ESS2: variants seen among roughly 807,000 people sequenced by gnomAD.
The protein encoded by ESS2 is ess-2 spliceosome associated protein, also known as splicing factor ESS-2 homolog.
Under a neutral mutation model 52.0 loss-of-function variants are expected in ESS2, and 31 were observed. The observed-to-expected ratio is 0.60, with a 90% confidence interval of 0.45 to 0.81. The LOEUF is 0.81. Among genes scored for constraint, ESS2 ranks in the 30% least tolerant of loss-of-function variants. The pLI, the probability that ESS2 is intolerant of heterozygous loss-of-function variation, is 0.00. For missense variants in ESS2, 602 were observed against 637.2 expected (o/e 0.94, Z 0.59); for synonymous variants, 285 against 259.2 (o/e 1.10, Z -0.95).
At position 19,131,447 on chromosome 22, in the gene ESS2, C is replaced by CAATCTTGGCAAGGGTTCCT; in HGVS notation, c.*2730_*2748dup. The CAATCTTGGCAAGGGTTCCT allele has an allele frequency of 6.2e-7, 1 of 1,613,918 alleles. No individual in the cohort carries two copies. The highest frequency in any genetic ancestry group is 8.5e-7 in the Non-Finnish European group (1 of 1,179,888). ...GGAAGAAGGGTTACATCGTAGGCAT[C>CAATCTTGGCAAGGGTTCCT]AATCTTGGCAAGGGTTCCTACGCAA... is the stretch of plus-strand genomic sequence containing the variant. On this transcript the variant is annotated 3_prime_UTR_variant, in exon 10 of 10. Coordinates refer to ENST00000252137, the MANE Select transcript of ESS2 (RefSeq NM_022719.3). This position sits in a 1 kb window ranked among gnomAD's most constrained non-coding sequence, Gnocchi z 5.7.
At position 19,139,495 on chromosome 22, in the gene ESS2, A is replaced by C. The variant is rs890300344; in HGVS notation, c.688+117T>G. 1.2e-4 allele frequency: 156 copies of C among 1,259,320 alleles called. No individual in the cohort carries two copies. In the African/African-American group the frequency reaches 2.1e-3, roughly 17 times the overall value. The allele number at this position is 1,259,320 out of a possible 1,614,324, so 78.0% of individuals were successfully genotyped here. ...CCTTAGACAGACCAGTACCCATCAGAAGCCCAAACTGCAAGGGGGCACGGC... is the reference window on the plus strand; with the variant it reads ...CCTTAGACAGACCAGTACCCATCAGCAGCCCAAACTGCAAGGGGGCACGGC... On this transcript the variant is annotated intron_variant, in intron 5 of 9. Transcript: ENST00000252137.
Position 19,134,288 on chromosome 22 carries a change from C to T in ESS2, c.1339G>A (p.Ala447Thr). 1.3e-6 allele frequency: 2 copies of T among 1,597,270 alleles called. No individual in the cohort carries two copies. Among genetic ancestry groups the T allele is most frequent in the Non-Finnish European group, 1.7e-6 (2 of 1,170,878 alleles). The change falls in exon 10 of 10, where the codon GCC becomes ACC. Residue 447 changes from alanine to threonine, a missense_variant. Coordinates refer to ENST00000252137, the MANE Select transcript of ESS2 (RefSeq NM_022719.3). Reference protein sequence around the residue: ...TPTSTPAPGSATRTPLTQDPA... With the variant: ...TPTSTPAPGSTTRTPLTQDPA... Reference sequence around the variant, plus strand: ...TCCTGTGTGAGAGGGGTGCGTGTGGCAGAGCCAGGCGCCGGTGTGCTTGTG... The same window carrying T: ...TCCTGTGTGAGAGGGGTGCGTGTGGTAGAGCCAGGCGCCGGTGTGCTTGTG...
rs2083503613 is a variant in ESS2, at chr22:19,131,313, C to A, written c.*2883G>T. On this transcript the variant is annotated 3_prime_UTR_variant, in exon 10 of 10. Transcript: ENST00000252137. This position sits in a 1 kb window ranked among gnomAD's most constrained non-coding sequence, Gnocchi z 5.7. ...CAGCCCAGGGCAGCCCAGCCAGACG[C>A]CTCCGGTAGTGTAAATGAGGACAAT... is the stretch of plus-strand genomic sequence containing the variant. 1 of 1,243,444 alleles carries A rather than the reference C, an allele frequency of 8.0e-7. No homozygotes were observed. The highest frequency in any genetic ancestry group is 1.1e-6 in the Non-Finnish European group (1 of 883,100). 77.0% of individuals were successfully genotyped at this position (1,243,444 alleles called of 1,614,324 possible).
intron 9 of ESS2, among the ~76,000 whole-genome samples, 173 bp downstream of exon 9, chr22:19,134,887 A>C (rs2083554997): frequency 6.6e-6 from 1 of 152,160 alleles, no homozygotes; most frequent in South Asian, 2.1e-4. Context: ...CATCCTGTCC[A>C]TGTGCGGCCA....
intron 9 of ESS2, among the ~76,000 whole-genome samples, chr22:19,134,808 C>T (rs1056256206): frequency 1.8e-4 from 28 of 152,126 alleles, no homozygotes; most frequent in Admixed American, 2.6e-4. Flanking sequence ...CAGGACCACA[C>T]GCCTAAAGAT....
intron 8 of ESS2, among the ~76,000 whole-genome samples, chr22:19,136,031 T>TAAAAAAAAAAAAAA (rs377121962): frequency 2.2e-5 from 2 of 92,540 alleles, no homozygotes; most frequent in African/African-American, 8.8e-5. Flanking sequence ...CCCTATCTGT[T>TAAAAAAAAAAAAAA]AAAAAAAAAA....
At chr22:19,144,072 T>C (rs188898190) in intron 1 of ESS2, 1 of 1,001,022 alleles carries the variant, frequency 1.0e-6, no homozygotes, top group East Asian at 1.1e-4. Flanking sequence ...CCAATCCCCG[T>C]TTCAGCTCCT....
At chr22:19,138,464 AAGAG>A in intron 6 of ESS2, 147 bp from the exon 7 acceptor site, 2 of 813,882 alleles carry the variant, frequency 2.5e-6, no homozygotes, top group Non-Finnish European at 2.1e-6. Context: ...TTCTTGGAGA[AAGAG>A]AGGGAGGGCC....
chr22:19,134,993 G>T, intron 9 of ESS2, 67 bp downstream of exon 9: 1 of 1,490,118 alleles, frequency 6.7e-7, no homozygotes. Flanking sequence ...CACGGTCAGG[G>T]CAGGGGCCGA....
chr22:19,135,005 C>G, intron 9 of ESS2, 55 bp downstream of exon 9: 1 of 1,547,306 alleles, frequency 6.5e-7, no homozygotes, highest in East Asian at 2.3e-5. Context: ...AGGGGCCGAA[C>G]AGGAGCAGGC....
At chr22:19,143,034 GTC>G (rs758077323) in intron 1 of ESS2, 140 bp from the exon 2 acceptor site, 1 of 799,428 alleles carries the variant, frequency 1.3e-6, no homozygotes, top group Non-Finnish European at 2.0e-6. Flanking sequence ...GTGAAACCCA[GTC>G]TCTACTAGAA....
At chr22:19,134,797 G>T (rs939421927) in intron 9 of ESS2, among the ~76,000 whole-genome samples, 2 of 152,276 alleles carry the variant, frequency 1.3e-5, no homozygotes, top group Non-Finnish European at 2.9e-5. Flanking sequence ...AAAGCTCCCA[G>T]CAGGACCACA....
intron 3 of ESS2, among the ~76,000 whole-genome samples, 200 bp from the exon 4 acceptor site, chr22:19,140,224 C>A (rs995029920): frequency 1.3e-5 from 2 of 152,190 alleles, no homozygotes; most frequent in African/African-American, 4.8e-5. Context: ...CCCAGAGAGC[C>A]CTCAGGTGGT....
intron 8 of ESS2, 115 bp from the exon 9 acceptor site, chr22:19,135,290 C>T: frequency 1.3e-6 from 1 of 792,438 alleles, no homozygotes; most frequent in Non-Finnish European, 2.0e-6. Flanking sequence ...CTACAAAACC[C>T]CCACAACCCA....
At chr22:19,134,496 A>G in intron 9 of ESS2, 21 bp from the exon 10 acceptor site, 1 of 1,511,920 alleles carries the variant, frequency 6.6e-7, no homozygotes. Context: ...GGAATGGGTG[A>G]GAGAGGCAGG....
At chr22:19,141,219 T>C (rs1005574427) in intron 3 of ESS2, among the ~76,000 whole-genome samples, 1 of 152,048 alleles carries the variant, frequency 6.6e-6, no homozygotes, top group Non-Finnish European at 1.5e-5. Flanking sequence ...CAACAAGGAC[T>C]GTGTTAATGG....
At chr22:19,143,686 C>T (rs1044465116) in intron 1 of ESS2, among the ~76,000 whole-genome samples, 3 of 151,694 alleles carry the variant, frequency 2.0e-5, no homozygotes, top group Non-Finnish European at 2.9e-5. Flanking sequence ...TGAAACCCCA[C>T]CACTACTAAA....
rs1181383032 is a variant in ESS2, at chr22:19,132,370, T to C, written c.*1826A>G. On this transcript the variant is annotated 3_prime_UTR_variant, in exon 10 of 10. Transcript: ENST00000252137. This position sits in a 1 kb window ranked among gnomAD's most constrained non-coding sequence, Gnocchi z 4.2. ...GGAGCCAAAACCCAGCACCGGCTGC[T>C]GGTGGTGCCCGAGAACGAGAACAGG... is the stretch of plus-strand genomic sequence containing the variant. 1 of 1,613,020 alleles carries C rather than the reference T, an allele frequency of 6.2e-7. No individual in the cohort carries two copies. The highest frequency in any genetic ancestry group is 1.1e-5 in the South Asian group (1 of 91,064).
At chr22:19,141,402 C>T (rs574694369) in intron 3 of ESS2, among the ~76,000 whole-genome samples, 6 of 152,286 alleles carry the variant, frequency 3.9e-5, no homozygotes, top group East Asian at 3.9e-4. Flanking sequence ...GGCCTGACAA[C>T]GCAGAAGTCC....
Sources: allele counts gnomAD v4.1 joint callset (sites outside exome capture counted in the v4.1 genomes callset), GRCh38; gene constraint gnomAD v4.1.1; non-coding constraint Gnocchi (gnomAD v3.1); transcripts MANE v1.5; gene names NCBI Gene and HGNC (gene_info 2026-07-23, HGNC 2026-07-21).